KAZN: variants seen among roughly 807,000 people sequenced by gnomAD.
KAZN encodes the protein kazrin, periplakin interacting protein.
In KAZN, 40 loss-of-function variants were observed where a neutral mutation model predicts 87.4. The ratio of observed to expected loss-of-function variants is 0.46; its 90% CI spans 0.36 to 0.60. The LOEUF (loss-of-function observed/expected upper bound fraction) is 0.60. Ranked by LOEUF, KAZN falls within the 20% of genes least tolerant of loss-of-function variation. KAZN has a pLI of 0.00. For synonymous variants in KAZN, 466 were observed against 458.3 expected (o/e 1.02, Z -0.22); for missense variants, 898 against 1,073.9 (o/e 0.84, Z 2.29).
intron 1 of KAZN, among the ~76,000 whole-genome samples, chr1:14,075,179 T>G (rs1277193201): frequency 3.3e-5 from 5 of 152,230 alleles, no homozygotes; most frequent in Non-Finnish European, 7.3e-5. Context: ...GTCTTTTTAG[T>G]GTAACATTTA....
intron 2 of KAZN, among the ~76,000 whole-genome samples, chr1:14,331,380 C>T (rs750258782): frequency 2.6e-5 from 4 of 152,294 alleles, no homozygotes; most frequent in Admixed American, 6.5e-5. Context: ...GCTCTATCCT[C>T]ATATGAGCAG....
At chr1:14,378,395 A>C (rs1422026837) in intron 2 of KAZN, among the ~76,000 whole-genome samples, 1 of 152,258 alleles carries the variant, frequency 6.6e-6, no homozygotes, top group Admixed American at 6.5e-5. Flanking sequence ...AACTATCTGC[A>C]CGAAGAAACA....
intron 1 of KAZN, among the ~76,000 whole-genome samples, chr1:14,669,368 A>G (rs577350664): frequency 6.6e-6 from 1 of 152,328 alleles, no homozygotes; most frequent in Admixed American, 6.5e-5. Flanking sequence ...TCTCCCCACA[A>G]CAAGGAACTA....
At chr1:14,995,850 CAG>C (rs1667810537) in intron 2 of KAZN, among the ~76,000 whole-genome samples, 1 of 152,126 alleles carries the variant, frequency 6.6e-6, no homozygotes, top group South Asian at 2.1e-4. Flanking sequence ...TGGTGACCGA[CAG>C]AGAGATTTTC....
intron 2 of KAZN, among the ~76,000 whole-genome samples, chr1:14,368,791 A>G (rs1279372186): frequency 6.6e-6 from 1 of 152,230 alleles, no homozygotes; most frequent in Non-Finnish European, 1.5e-5. Context: ...CACTCAATTT[A>G]CAGCCCTTTA....
At chr1:14,828,369 T>C (rs1247626863) in intron 1 of KAZN, among the ~76,000 whole-genome samples, 5 of 152,322 alleles carry the variant, frequency 3.3e-5, no homozygotes, top group Admixed American at 3.3e-4. Flanking sequence ...AAACAATAAA[T>C]ATGTTGCAAA....
intron 13 of KAZN, among the ~76,000 whole-genome samples, chr1:15,105,441 G>T (rs115305836): frequency 6.6e-6 from 1 of 152,096 alleles, no homozygotes; most frequent in Non-Finnish European, 1.5e-5. Context: ...TAGCTAATCT[G>T]GTGGCATGCA....
upstream of KAZN, among the ~76,000 whole-genome samples, chr1:14,597,987 C>T (rs1476997563): frequency 3.3e-5 from 5 of 152,174 alleles, no homozygotes; most frequent in African/African-American, 1.2e-4. Context: ...GCCCCATCGA[C>T]GCCTTCCTTC....
chr1:14,408,778 A>G (rs1234865070), intron 2 of KAZN, among the ~76,000 whole-genome samples: 5 of 152,196 alleles, frequency 3.3e-5, no homozygotes, highest in Non-Finnish European at 7.3e-5. Context: ...AGCACCAGAG[A>G]AGGTCCCTGC....
chr1:13,967,878 G>A (rs1375629885), intron 1 of KAZN, among the ~76,000 whole-genome samples: 1 of 152,328 alleles, frequency 6.6e-6, no homozygotes, highest in Non-Finnish European at 1.5e-5. Context: ...GGCTGGCATG[G>A]CATCTCTCCC....
At chr1:14,540,345 A>G (rs1350168871) in intron 2 of KAZN, among the ~76,000 whole-genome samples, 1 of 152,176 alleles carries the variant, frequency 6.6e-6, no homozygotes, top group African/African-American at 2.4e-5. Flanking sequence ...TGCAAGGAAA[A>G]TGGGGCAGAC....
At chr1:14,608,039 T>C (rs1677506088) in intron 1 of KAZN, among the ~76,000 whole-genome samples, 1 of 152,244 alleles carries the variant, frequency 6.6e-6, no homozygotes, top group Non-Finnish European at 1.5e-5. Context: ...TTCCAAGCTC[T>C]GGAAAGTAGT....
At chr1:14,526,879 T>C (rs1185670977) in intron 2 of KAZN, among the ~76,000 whole-genome samples, 1 of 152,172 alleles carries the variant, frequency 6.6e-6, no homozygotes, top group Non-Finnish European at 1.5e-5. Context: ...CTGGTGTAAT[T>C]TGGGCAACAG....
chr1:14,427,500 T>G (rs1158580221), intron 2 of KAZN, among the ~76,000 whole-genome samples: 1 of 150,646 alleles, frequency 6.6e-6, no homozygotes, highest in Non-Finnish European at 1.5e-5. Flanking sequence ...AAAAAACAAA[T>G]ACCTATAATT....
At chr1:14,128,509 G>A (rs1045599922) in intron 1 of KAZN, among the ~76,000 whole-genome samples, 20 of 152,216 alleles carry the variant, frequency 1.3e-4, no homozygotes, top group African/African-American at 1.4e-4. Flanking sequence ...TGCAGACAGC[G>A]GCCTTCTTGC....
intron 2 of KAZN, among the ~76,000 whole-genome samples, chr1:14,971,672 T>C (rs559698317): frequency 3.4e-5 from 5 of 146,422 alleles, no homozygotes; most frequent in Non-Finnish European, 7.4e-5. Flanking sequence ...TTTTTTTTTT[T>C]TTCTTTTTCT....
chr1:14,467,366 G>A (rs1668221407), intron 2 of KAZN, among the ~76,000 whole-genome samples: 1 of 150,150 alleles, frequency 6.7e-6, no homozygotes, highest in Non-Finnish European at 1.5e-5. Flanking sequence ...AAAATGGTAA[G>A]TAGAAAATAT....
chr1:14,411,797 G>A (rs987662356), intron 2 of KAZN, among the ~76,000 whole-genome samples: 3 of 152,148 alleles, frequency 2.0e-5, no homozygotes, highest in African/African-American at 7.2e-5. Flanking sequence ...TAAAAAAGGT[G>A]AAATGAAAAT....
chr1:14,983,231 G>A (rs1053599109), intron 2 of KAZN, among the ~76,000 whole-genome samples: 7 of 152,162 alleles, frequency 4.6e-5, no homozygotes, highest in Non-Finnish European at 8.8e-5. Flanking sequence ...GGCGGGGTAA[G>A]GCTGTACACC....
Sources: allele counts gnomAD v4.1 joint callset (sites outside exome capture counted in the v4.1 genomes callset), GRCh38; gene constraint gnomAD v4.1.1; transcripts MANE v1.5; gene names NCBI Gene and HGNC (gene_info 2026-07-23, HGNC 2026-07-21).